The following PKNOX2 variants were observed in gnomAD, a reference collection of about 807,000 sequenced individuals.
PKNOX2 encodes the protein homeobox protein PKNOX2.
Under a neutral mutation model 53.1 loss-of-function variants are expected in PKNOX2, and 14 were observed. The ratio of observed to expected loss-of-function variants is 0.26; its 90% CI spans 0.17 to 0.41. PKNOX2 has a LOEUF of 0.41. Ranked by LOEUF, PKNOX2 falls within the 10% of genes least tolerant of loss-of-function variation. PKNOX2 has a pLI of 1.00. For synonymous variants in PKNOX2, 257 were observed against 242.8 expected (o/e 1.06, Z -0.54); for missense variants, 496 against 602.8 (o/e 0.82, Z 1.85).
intron 6 of PKNOX2, among the ~76,000 whole-genome samples, chr11:125,393,176 G>GAGAGA (rs1379634710): frequency 7.2e-6 from 1 of 139,480 alleles, no homozygotes; most frequent in Non-Finnish European, 1.6e-5. Flanking sequence ...AAAAAAAAAA[G>GAGAGA]AGAGAAGAGA....
intron 2 of PKNOX2, among the ~76,000 whole-genome samples, chr11:125,323,024 C>T (rs564032773): frequency 6.6e-6 from 1 of 152,324 alleles, no homozygotes; most frequent in South Asian, 2.1e-4. Flanking sequence ...TCCCCTGATG[C>T]AGACCATGGT....
intron 1 of PKNOX2, among the ~76,000 whole-genome samples, chr11:125,222,561 C>T (rs531430672): frequency 6.6e-6 from 1 of 152,038 alleles, no homozygotes; most frequent in South Asian, 2.1e-4. Flanking sequence ...ATCTGTCAAG[C>T]ACCTAATGTG....
At position 125,165,151 on chromosome 11, in the gene PKNOX2, C is replaced by CGCA. The variant is rs1415463485; in HGVS notation, c.-201+377_-201+378insAGC. Among the ~76,000 whole-genome samples the CGCA allele has an allele frequency of 6.7e-6, 1 of 148,190 alleles. No individual in the cohort carries two copies. The highest frequency in any genetic ancestry group is 6.7e-5 in the Admixed American group (1 of 14,926). ...CTGCCCGGCCAGCGCTCAGCCCCGC[C>CGCA]GCCGCCGCCGCCGCCGCCTCGCCGC... On this transcript the variant is annotated intron_variant, in intron 1 of 12. Transcript: ENST00000298282. This position sits in a 1 kb window ranked among gnomAD's most constrained non-coding sequence, Gnocchi z 4.5.
chr11:125,383,413 G>C lies in PKNOX2; in HGVS notation c.228-2138G>C, dbSNP rs1257833966. Among the ~76,000 whole-genome samples the C allele has an allele frequency of 2.8e-5, 4 of 145,254 alleles. No individual in the cohort carries two copies. The East Asian group carries it at 8.2e-4, about 30-fold the overall frequency. ...TCACTTGAGGTCACAGTTTAGACCAGCCTGGCTAAAGTGGTGAAATCCCCT... is the reference window on the plus strand; with the variant it reads ...TCACTTGAGGTCACAGTTTAGACCACCCTGGCTAAAGTGGTGAAATCCCCT... On this transcript the variant is annotated intron_variant, in intron 5 of 12. Coordinates refer to ENST00000298282, the MANE Select transcript of PKNOX2 (RefSeq NM_001382323.2).
intron 1 of PKNOX2, among the ~76,000 whole-genome samples, chr11:125,226,669 G>T (rs546406908): frequency 6.6e-6 from 1 of 150,854 alleles, no homozygotes; most frequent in Non-Finnish European, 1.5e-5. Context: ...CCTGCTTATC[G>T]TTTTATTGCT....
intron 2 of PKNOX2, among the ~76,000 whole-genome samples, chr11:125,312,476 C>T (rs764919129): frequency 1.3e-5 from 2 of 152,204 alleles, no homozygotes; most frequent in African/African-American, 4.8e-5. Context: ...GGAAGTCACC[C>T]TGCTGTGCCC....
chr11:125,319,661 A>G (rs556954834), intron 2 of PKNOX2, among the ~76,000 whole-genome samples: 1 of 152,364 alleles, frequency 6.6e-6, no homozygotes, highest in East Asian at 1.9e-4. Context: ...TAATTACAAC[A>G]TTAATTAAAT....
intron 4 of PKNOX2, among the ~76,000 whole-genome samples, chr11:125,362,496 C>A (rs1051205467): frequency 2.6e-5 from 4 of 152,162 alleles, no homozygotes; most frequent in Non-Finnish European, 2.9e-5. Context: ...GCCTCAGCCT[C>A]TCGAGTAGCT....
chr11:125,180,070 T>A (rs1353680568), intron 1 of PKNOX2, among the ~76,000 whole-genome samples: 1 of 152,144 alleles, frequency 6.6e-6, no homozygotes, highest in Non-Finnish European at 1.5e-5. Flanking sequence ...GAAACAGCCA[T>A]GCACGCTCCT....
chr11:125,431,296 A>AGAGGAG lies in PKNOX2; in HGVS notation c.1336_1341dup (p.Glu446_Glu447dup). 2 of 1,613,080 alleles carry AGAGGAG rather than the reference A, an allele frequency of 1.2e-6. No individual in the cohort carries two copies. The highest frequency in any genetic ancestry group is 2.2e-5 in the East Asian group (1 of 44,852). The stretch of plus-strand genomic sequence containing the variant: ...AAGAAGAGGATGAGGATGAGATGGA[A>AGAGGAG]GAGGAGGAGGAGGAGGAGCTGGAGG... On this transcript the variant is annotated inframe_insertion, in exon 13 of 13. Transcript: ENST00000298282.
intron 1 of PKNOX2, among the ~76,000 whole-genome samples, chr11:125,224,752 C>T (rs968437420): frequency 2.0e-5 from 3 of 152,236 alleles, no homozygotes; most frequent in African/African-American, 7.2e-5. Flanking sequence ...ATCCCAGAAC[C>T]ATTCAGCACA....
chr11:125,174,228 T>C (rs553692984), intron 1 of PKNOX2, among the ~76,000 whole-genome samples: 2 of 152,250 alleles, frequency 1.3e-5, no homozygotes, highest in African/African-American at 4.8e-5. Flanking sequence ...CAGGTGCTTG[T>C]TCTCATTCTC....
chr11:125,381,541 C>A (rs1953228556), intron 5 of PKNOX2, among the ~76,000 whole-genome samples: 1 of 152,086 alleles, frequency 6.6e-6, no homozygotes, highest in African/African-American at 2.4e-5. Flanking sequence ...ATACACATAG[C>A]CATTCTGGGG....
intron 2 of PKNOX2, among the ~76,000 whole-genome samples, chr11:125,315,303 G>GAA (rs534448203): frequency 0.017 from 1,373 of 79,060 alleles, 9 homozygotes; most frequent in East Asian, 0.027. Context: ...TGTGAAGCAG[G>GAA]AAAAAAAAAA....
chr11:125,276,700 G>T (rs1352940149), intron 2 of PKNOX2, among the ~76,000 whole-genome samples: 2 of 152,210 alleles, frequency 1.3e-5, no homozygotes, highest in Non-Finnish European at 2.9e-5. Context: ...CCTGGGGAGA[G>T]AAGGAAGTAT....
intron 1 of PKNOX2, among the ~76,000 whole-genome samples, chr11:125,234,278 C>T (rs1166788258): frequency 2.0e-5 from 3 of 152,200 alleles, no homozygotes; most frequent in Non-Finnish European, 4.4e-5. Context: ...ATTGGGGGTT[C>T]TTGTATATGG....
rs185528072 is a variant in PKNOX2 at position 125,352,731 on chromosome 11, C to T, written c.87+1339C>T. 6.6e-6 allele frequency among the ~76,000 whole-genome samples: 1 copy of T among 152,300 alleles called. No homozygotes were observed. Among genetic ancestry groups the T allele is most frequent in the East Asian group, 1.9e-4 (1 of 5,184 alleles). ...TCACCAATCTCTGAGCACATGTCTA[C>T]GGCCCCGCTCCCACATATCAAATCA... is the stretch of plus-strand genomic sequence containing the variant. On this transcript the variant is annotated intron_variant, in intron 4 of 12. Coordinates refer to ENST00000298282, the MANE Select transcript of PKNOX2 (RefSeq NM_001382323.2). The surrounding 1 kb of genome is among the most constrained non-coding windows in gnomAD (Gnocchi z 4.1).
intron 2 of PKNOX2, chr11:125,331,539 G>A (rs181619447): frequency 1.3e-5 from 2 of 152,350 alleles, no homozygotes; most frequent in South Asian, 2.1e-4. Flanking sequence ...TGGGGGAGAG[G>A]GCCGCAGGCA....
At chr11:125,351,259 G>A (rs1951294492) in intron 3 of PKNOX2, 25 bp from the exon 4 acceptor site, 3 of 964,798 alleles carry the variant, frequency 3.1e-6, no homozygotes, top group South Asian at 1.4e-5. Flanking sequence ...TGTTAACGGT[G>A]CGGCCCCCTT....
Sources: gnomAD v4.1 joint callset for allele counts (sites outside exome capture counted in the v4.1 genomes callset) on GRCh38, gnomAD v4.1.1 for gene constraint, Gnocchi (gnomAD v3.1) non-coding constraint, MANE v1.5 for transcripts, NCBI Gene and HGNC (gene_info 2026-07-23, HGNC 2026-07-21) for gene names.